Variants in EFR3B observed in about 807,000 individuals in gnomAD.
EFR3B encodes EFR3 homolog B.
A neutral mutation model predicts 104.7 loss-of-function variants in EFR3B; 64 were observed. That is an observed-to-expected ratio of 0.61 (90% confidence interval 0.50 to 0.75). EFR3B has a LOEUF of 0.75. Ranked by LOEUF, EFR3B falls within the 30% of genes least tolerant of loss-of-function variation. The pLI, the probability that EFR3B is intolerant of heterozygous loss-of-function variation, is 0.00. For missense variants in EFR3B, 750 were observed against 1,078.5 expected, an observed-to-expected ratio of 0.70 and a Z score of 4.27; for synonymous variants, 385 against 417.9, an observed-to-expected ratio of 0.92 and a Z score of 0.96.
chr2:25,103,113 A>C (rs1248973309), intron 3 of EFR3B, among the ~76,000 whole-genome samples: 3 of 152,174 alleles, frequency 2.0e-5, no homozygotes, highest in Admixed American at 2.0e-4. Context: ...GCCATCATGC[A>C]TGATTTTCTT....
At chr2:25,075,069 C>G (rs949339586) in intron 1 of EFR3B, among the ~76,000 whole-genome samples, 10 of 152,198 alleles carry the variant, frequency 6.6e-5, no homozygotes, top group African/African-American at 2.4e-4. Context: ...ACACCAGGAA[C>G]TTGGGGGGTG....
intron 21 of EFR3B, among the ~76,000 whole-genome samples, chr2:25,152,276 G>C (rs945461569): frequency 1.3e-5 from 2 of 152,136 alleles, no homozygotes; most frequent in Non-Finnish European, 2.9e-5. Flanking sequence ...GGGTCTCTCT[G>C]AGACCTCACA....
chr2:25,152,123 C>T, intron 21 of EFR3B, 103 bp downstream of exon 21: 1 of 1,087,070 alleles, frequency 9.2e-7, no homozygotes, highest in Non-Finnish European at 1.3e-6. Context: ...TCTTTGACCA[C>T]CAACCTCCCC....
At position 25,069,865 on chromosome 2, in the gene EFR3B, T is replaced by A. The variant is rs1030745278; in HGVS notation, c.8-21460T>A. On this transcript the variant is annotated intron_variant, in intron 1 of 22. Coordinates refer to ENST00000403714, the MANE Select transcript of EFR3B (RefSeq NM_014971.2). ...GCATGCGCCACCACGCCTGGCTAATTTTTTTGTATTTTCAGTAGAGACGGG... is the reference window on the plus strand; with the variant it reads ...GCATGCGCCACCACGCCTGGCTAATATTTTTGTATTTTCAGTAGAGACGGG... Among the ~76,000 whole-genome samples the A allele has an allele frequency of 6.6e-5, 10 of 151,770 alleles. 1 individual carries two copies. Among genetic ancestry groups the A allele is most frequent in the Non-Finnish European group, 1.5e-5 (1 of 67,898 alleles).
intron 4 of EFR3B, among the ~76,000 whole-genome samples, chr2:25,120,411 T>TC (rs1382172825): frequency 3.3e-5 from 5 of 151,924 alleles, no homozygotes; most frequent in African/African-American, 1.2e-4. Flanking sequence ...TTTGGGAGGC[T>TC]GAGGCGGGCG....
At chr2:25,135,329 G>A in intron 12 of EFR3B, 138 bp from the exon 13 acceptor site, 2 of 976,066 alleles carry the variant, frequency 2.0e-6, no homozygotes, top group Non-Finnish European at 1.5e-6. Context: ...TGGGCTGTAG[G>A]GTAGGGGAGG....
rs1375438871 is a variant in EFR3B, at chr2:25,128,712, A to G, written c.635+380A>G. Among the ~76,000 whole-genome samples, 4 of 151,884 alleles carry G rather than the reference A, an allele frequency of 2.6e-5. No individual in the cohort carries two copies. In the East Asian group the frequency reaches 7.7e-4, roughly 29 times the overall value. ...GGTGGCTCACGCCTGTAATCCCAGC[A>G]CTTTGGGAGGCTGAGGCGGGCAGAT... On this transcript the variant is annotated intron_variant, in intron 6 of 22. Transcript: ENST00000403714.
intron 3 of EFR3B, among the ~76,000 whole-genome samples, chr2:25,095,844 C>T (rs1438097161): frequency 6.6e-6 from 1 of 152,088 alleles, no homozygotes. Context: ...GTTACTTCCA[C>T]AATAAAAAAC....
intron 5 of EFR3B, among the ~76,000 whole-genome samples, chr2:25,126,225 CT>C (rs1670164333): frequency 6.6e-6 from 1 of 152,164 alleles, no homozygotes; most frequent in Non-Finnish European, 1.5e-5. Context: ...TTCATCCGGG[CT>C]GGAGTGCAGT....
intron 1 of EFR3B, chr2:25,080,144 G>T: frequency 8.2e-7 from 1 of 1,220,274 alleles, no homozygotes. Flanking sequence ...ACATCACAGT[G>T]CATGATTCTT....
At chr2:25,153,995 T>G (rs1044115981) in intron 22 of EFR3B, among the ~76,000 whole-genome samples, 4 of 151,346 alleles carry the variant, frequency 2.6e-5, no homozygotes, top group Admixed American at 6.6e-5. Flanking sequence ...GACGCAAGAG[T>G]CCTAGTGTTC....
chr2:25,090,049 A>G lies in EFR3B; in HGVS notation c.8-1276A>G, dbSNP rs183326345. Among the ~76,000 whole-genome samples, 477 of 151,364 alleles carry G rather than the reference A, an allele frequency of 3.2e-3. 2 individuals are homozygous for G. The highest frequency in any genetic ancestry group is 4.9e-3 in the Non-Finnish European group (330 of 67,618). On this transcript the variant is annotated intron_variant, in intron 1 of 22. Transcript: ENST00000403714. ...CCCAAAGAACTCTTTTCTCCGCCCT[A>G]TGTAAACCTCTTTTGTGATTAAAGT... is the stretch of plus-strand genomic sequence containing the variant.
At position 25,143,794 on chromosome 2, in the gene EFR3B, G is replaced by A; in HGVS notation, c.1982G>A (p.Ser661Asn). Residue 661 changes from serine to asparagine, a missense_variant, in exon 18 of 23, where the codon AGT becomes AAT. Ser to Asn is a conservative substitution (Grantham distance 46). Coordinates refer to ENST00000403714, the MANE Select transcript of EFR3B (RefSeq NM_014971.2). The part of the protein sequence containing the change: ...IELLFRQSKI[S>N]EVLGGSGYNS... ...CTCCTCTTCCGCCAGAGCAAGATCA[G>A]TGAAGTCCTGGGAGGCAGTGGCTAC... 6.4e-7 allele frequency: 1 copy of A among 1,551,706 alleles called. No individual in the cohort carries two copies. The highest frequency in any genetic ancestry group is 8.7e-7 in the Non-Finnish European group (1 of 1,147,004).
Position 25,121,751 on chromosome 2 carries a change from G to A in EFR3B, c.442G>A (p.Glu148Lys), listed in dbSNP as rs1441740153. The change falls in exon 5 of 23, where the codon GAA (glutamate) becomes AAA (lysine). Residue 148 changes from glutamate to lysine, a missense_variant. Transcript: ENST00000403714. ...SYDFFVSRFS[E>K]MCHSSHDDLE... is the part of the protein sequence containing the mutation. Reference sequence around the variant, plus strand: ...TGACTTCTTTGTGTCCCGATTCAGTGAAATGTGCCACTCGAGCCATGATGA... The same window carrying A: ...TGACTTCTTTGTGTCCCGATTCAGTAAAATGTGCCACTCGAGCCATGATGA... 1.3e-6 allele frequency: 2 copies of A among 1,551,608 alleles called. No individual in the cohort carries two copies. Among genetic ancestry groups the A allele is most frequent in the Admixed American group, 2.0e-5 (1 of 50,988 alleles).
At position 25,084,307 on chromosome 2, in the gene EFR3B, G is replaced by T. The variant is rs982886767; in HGVS notation, c.8-7018G>T. ...GCTGGAGTGCAGTGGTGCGATCTCG[G>T]CTCACTGCAACCTCTGCCTCCCAGA... On this transcript the variant is annotated intron_variant, in intron 1 of 22. Coordinates refer to ENST00000403714, the MANE Select transcript of EFR3B (RefSeq NM_014971.2). Among the ~76,000 whole-genome samples, 9 of 151,990 alleles carry T rather than the reference G, an allele frequency of 5.9e-5. No individual in the cohort carries two copies. The East Asian group carries it at 1.5e-3, about 26-fold the overall frequency.
intron 1 of EFR3B, among the ~76,000 whole-genome samples, chr2:25,051,688 C>T (rs188681839): frequency 6.9e-6 from 1 of 145,392 alleles, no homozygotes; most frequent in African/African-American, 2.6e-5. Flanking sequence ...CAGGCTGGAG[C>T]TCAGTGGCGC....
At position 25,151,914 on chromosome 2, in the gene EFR3B, T is replaced by C. The variant is rs1490096329; in HGVS notation, c.2192T>C (p.Val731Ala). The C allele has an allele frequency of 6.4e-6, 10 of 1,551,522 alleles. No homozygotes were observed. The Admixed American group carries it at 1.2e-4, about 18-fold the overall frequency. Reference protein sequence around the residue: ...ITYETLKKAIVDSVAVEEQER... With the variant: ...ITYETLKKAIADSVAVEEQER... ...ACTAACCCAGCTCTCTGTGTCGAAGTGGACAGCGTAGCAGTGGAGGAGCAG... is the reference window on the plus strand; with the variant it reads ...ACTAACCCAGCTCTCTGTGTCGAAGCGGACAGCGTAGCAGTGGAGGAGCAG... The change falls in exon 21 of 23, where the codon GTG (valine) becomes GCG (alanine). Residue 731 changes from valine (V) to alanine (A), a missense_variant and splice_region_variant. Physicochemically the swap from Val to Ala is moderately conservative, Grantham distance 64. Coordinates refer to ENST00000403714, the MANE Select transcript of EFR3B (RefSeq NM_014971.2).
intron 19 of EFR3B, 143 bp from the exon 20 acceptor site, chr2:25,149,551 G>C (rs1670944523): frequency 5.2e-6 from 4 of 767,050 alleles, no homozygotes; most frequent in Non-Finnish European, 8.9e-6. Flanking sequence ...GACCCTGAGG[G>C]GGGTGGGGGT....
Position 25,156,868 on chromosome 2 carries a change from G to C in EFR3B, c.*2528G>C, listed in dbSNP as rs1671183565. Reference sequence around the variant, plus strand: ...GTTCTTTCCTCACTAGCTCCTCCCAGGTTTTATCCTGCACCCAGCTTGGAT... The same window carrying C: ...GTTCTTTCCTCACTAGCTCCTCCCACGTTTTATCCTGCACCCAGCTTGGAT... On this transcript the variant is annotated 3_prime_UTR_variant, in exon 23 of 23. Coordinates refer to ENST00000403714, the MANE Select transcript of EFR3B (RefSeq NM_014971.2). 1 of 152,160 alleles carries C rather than the reference G, an allele frequency of 6.6e-6. No individual in the cohort carries two copies. The highest frequency in any genetic ancestry group is 1.5e-5 in the Non-Finnish European group (1 of 68,032). The allele number at this position is 152,160 out of a possible 1,614,324, so 9.4% of individuals were successfully genotyped here. A position where few individuals can be genotyped will look rare whatever the true frequency, so the allele number is the denominator to read the frequency against.
Sources: allele counts gnomAD v4.1 joint callset (sites outside exome capture counted in the v4.1 genomes callset), GRCh38; gene constraint gnomAD v4.1.1; transcripts MANE v1.5; gene names NCBI Gene and HGNC (gene_info 2026-07-23, HGNC 2026-07-21).